The following EXPH5 variants were observed in gnomAD, a reference collection of about 807,000 sequenced individuals.
EXPH5 encodes the protein exophilin 5.
A neutral mutation model predicts 41.1 loss-of-function variants in EXPH5; 42 were observed. The ratio of observed to expected loss-of-function variants is 1.02; its 90% CI spans 0.80 to 1.32. The LOEUF (loss-of-function observed/expected upper bound fraction) is 1.32. Ranked by LOEUF, EXPH5 falls within the 40% of genes most tolerant of loss-of-function variation. EXPH5 has a pLI of 0.00. For synonymous variants in EXPH5, 798 were observed against 833.5 expected, an observed-to-expected ratio of 0.96 and a Z score of 0.73; for missense variants, 2,298 against 2,314.5, an observed-to-expected ratio of 0.99 and a Z score of 0.15.
At chr11:108,553,859 G>A (rs1008340259) in intron 1 of EXPH5, among the ~76,000 whole-genome samples, 6 of 152,146 alleles carry the variant, frequency 3.9e-5, no homozygotes, top group African/African-American at 1.4e-4. Flanking sequence ...TTTTTCCATA[G>A]GAATAATACT....
intron 1 of EXPH5, among the ~76,000 whole-genome samples, chr11:108,588,438 T>G (rs1158230701): frequency 1.3e-5 from 2 of 152,196 alleles, no homozygotes; most frequent in African/African-American, 4.8e-5. Flanking sequence ...ACTTCAACTT[T>G]TTGGTACTGT....
intron 3 of EXPH5, among the ~76,000 whole-genome samples, chr11:108,532,367 T>TATATATACATATATATA (rs61454000): frequency 4.9e-5 from 1 of 20,368 alleles, no homozygotes; most frequent in South Asian, 2.7e-3. Context: ...TATATATATA[T>TATATATACATATATATA]TTTTTTTTTT....
At chr11:108,560,597 A>G (rs752036987) in intron 1 of EXPH5, among the ~76,000 whole-genome samples, 77 of 152,284 alleles carry the variant, frequency 5.1e-4, no homozygotes, top group Non-Finnish European at 9.9e-4. Context: ...AAACACACAT[A>G]TTGTTTTCAT....
chr11:108,560,709 A>G (rs985646077), intron 1 of EXPH5, among the ~76,000 whole-genome samples: 2 of 152,252 alleles, frequency 1.3e-5, no homozygotes, highest in Non-Finnish European at 2.9e-5. Context: ...TGGAATAATT[A>G]TAGAACAAAA....
chr11:108,605,221 A>G, the EXPH5 span, among the ~76,000 whole-genome samples: 1 of 152,140 alleles, frequency 6.6e-6, no homozygotes, highest in Non-Finnish European at 1.5e-5. Context: ...TTTAGCCATC[A>G]TTTCCATAAA....
At chr11:108,534,671 C>T (rs1448348845) in intron 3 of EXPH5, among the ~76,000 whole-genome samples, 1 of 152,204 alleles carries the variant, frequency 6.6e-6, no homozygotes, top group Non-Finnish European at 1.5e-5. Context: ...AGTGGTTCTA[C>T]ATGTTTTCCT....
chr11:108,536,028 C>T (rs1385501386), intron 3 of EXPH5, among the ~76,000 whole-genome samples: 1 of 152,138 alleles, frequency 6.6e-6, no homozygotes, highest in East Asian at 1.9e-4. Flanking sequence ...AGAACAAGAT[C>T]CGTGCAAACA....
intron 1 of EXPH5, among the ~76,000 whole-genome samples, chr11:108,577,732 C>T (rs1408851307): frequency 2.0e-5 from 3 of 152,030 alleles, no homozygotes; most frequent in Non-Finnish European, 4.4e-5. Context: ...CAGATAATAG[C>T]CATTTTAACT....
At chr11:108,586,334 C>T (rs561366101) in intron 1 of EXPH5, among the ~76,000 whole-genome samples, 48 of 152,274 alleles carry the variant, frequency 3.2e-4, no homozygotes, top group African/African-American at 1.1e-3. Context: ...GTTATGTATT[C>T]TGTGCTTCCA....
At chr11:108,548,226 T>C (rs891394639) in intron 1 of EXPH5, among the ~76,000 whole-genome samples, 41 of 91,936 alleles carry the variant, frequency 4.5e-4, no homozygotes, top group Non-Finnish European at 1.0e-3. Flanking sequence ...AGAAAGTTTT[T>C]GACTTTTTTT....
the EXPH5 span, among the ~76,000 whole-genome samples, chr11:108,606,900 G>C: frequency 4.6e-4 from 70 of 152,102 alleles, no homozygotes; most frequent in South Asian, 3.7e-3. Flanking sequence ...GTAAACCATT[G>C]AGAACATTTC....
At position 108,514,780 on chromosome 11, in the gene EXPH5, C is replaced by T. The variant is rs201946545; in HGVS notation, c.727G>A (p.Gly243Ser). 40 of 1,608,822 alleles carry T rather than the reference C, an allele frequency of 2.5e-5. No homozygotes were observed. Among genetic ancestry groups the T allele is most frequent in the Admixed American group, 1.2e-4 (7 of 58,778 alleles). ...CTGTTACCACTGGAATAAAAGTGACCGAACTGTGTTCTTGATCCATAGTTG... is the reference window on the plus strand; with the variant it reads ...CTGTTACCACTGGAATAAAAGTGACTGAACTGTGTTCTTGATCCATAGTTG... ...PLNYGSRTQF[G>S]HFYSSGNRHG... The change falls in exon 6 of 6, where the codon GGT (glycine) becomes AGT (serine). Residue 243 changes from glycine (G) to serine (S), a missense_variant. Physicochemically the swap from Gly to Ser is moderately conservative, Grantham distance 56. Transcript: ENST00000265843.
At chr11:108,581,215 G>A (rs11821686) in intron 1 of EXPH5, among the ~76,000 whole-genome samples, 9,506 of 152,054 alleles carry the variant, frequency 0.063, 795 homozygotes, top group African/African-American at 0.19. Context: ...GAGGTGGAAG[G>A]ACTACTTGAG....
chr11:108,581,696 A>C (rs946288517), intron 1 of EXPH5, among the ~76,000 whole-genome samples: 10 of 152,124 alleles, frequency 6.6e-5, no homozygotes, highest in African/African-American at 2.2e-4. Flanking sequence ...AAGAAAAATC[A>C]AAGTAAGACA....
intron 3 of EXPH5, among the ~76,000 whole-genome samples, chr11:108,538,466 C>T (rs910248128): frequency 6.6e-6 from 1 of 152,182 alleles, no homozygotes; most frequent in African/African-American, 2.4e-5. Context: ...AAAGCTTCTC[C>T]TCCCTCACCT....
Position 108,552,801 on chromosome 11 carries a change from C to T in EXPH5, c.120-10989G>A, listed in dbSNP as rs138413156. On this transcript the variant is annotated intron_variant, in intron 1 of 5. Transcript: ENST00000265843. Reference sequence around the variant, plus strand: ...GGGCTTGCTAGTGTGTGCCTGTAATCCCAACTATTCAAGAGACTGAGGTGG... The same window carrying T: ...GGGCTTGCTAGTGTGTGCCTGTAATTCCAACTATTCAAGAGACTGAGGTGG... Among the ~76,000 whole-genome samples the T allele has an allele frequency of 1.2e-3, 182 of 152,228 alleles. 3 individuals are homozygous for T. The highest frequency in any genetic ancestry group is 4.2e-3 in the African/African-American group (176 of 41,540).
intron 2 of EXPH5, among the ~76,000 whole-genome samples, chr11:108,539,540 C>T (rs1004701359): frequency 1.3e-5 from 2 of 152,076 alleles, no homozygotes; most frequent in Non-Finnish European, 2.9e-5. Flanking sequence ...ATTTCAGTAC[C>T]TTAAAACCAT....
Position 108,515,997 on chromosome 11 carries a change from G to A in EXPH5, c.632-1122C>T, listed in dbSNP as rs540981303. On this transcript the variant is annotated intron_variant, in intron 5 of 5. Coordinates refer to ENST00000265843, the MANE Select transcript of EXPH5 (RefSeq NM_015065.3). ...TGAGGCAGGAGAATGGCGTGAACCC[G>A]GGAGGCAGAGCTTGCAGTGAGCCAA... Among the ~76,000 whole-genome samples the A allele has an allele frequency of 3.6e-3, 538 of 151,422 alleles. 1 individual carries two copies. The highest frequency in any genetic ancestry group is 0.012 in the African/African-American group (507 of 41,294).
rs780651930 is a variant in EXPH5 at position 108,512,499 on chromosome 11, A to G, written c.3008T>C (p.Ile1003Thr). 4.4e-5 allele frequency: 71 copies of G among 1,614,078 alleles called. No individual in the cohort carries two copies. In the East Asian group the frequency reaches 8.2e-4, roughly 19 times the overall value. Residue 1003 changes from isoleucine (I) to threonine (T), a missense_variant, in exon 6 of 6, where the codon ATT becomes ACT. Physicochemically the swap from Ile to Thr is moderately conservative, Grantham distance 89 (BLOSUM62 -1). Coordinates refer to ENST00000265843, the MANE Select transcript of EXPH5 (RefSeq NM_015065.3). Reference protein sequence around the residue: ...SVPTSDHRSLIEANQSNSKVS... With the variant: ...SVPTSDHRSLTEANQSNSKVS... ...TTTGGAATTGCTTTGATTTGCTTCA[A>G]TGAGGCTCCTGTGATCACTGGTGGG...
Sources: gnomAD v4.1 joint callset for allele counts (sites outside exome capture counted in the v4.1 genomes callset) on GRCh38, gnomAD v4.1.1 for gene constraint, MANE v1.5 for transcripts, NCBI Gene and HGNC (gene_info 2026-07-23, HGNC 2026-07-21) for gene names.